Variants in GPHN observed in about 807,000 individuals in gnomAD.
GPHN encodes gephyrin.
Under a neutral mutation model 95.5 loss-of-function variants are expected in GPHN, and 17 were observed. The ratio of observed to expected loss-of-function variants is 0.18; its 90% CI spans 0.12 to 0.27. The LOEUF (loss-of-function observed/expected upper bound fraction) is 0.27, where lower values mean the gene tolerates loss of function less well. Among genes scored for constraint, GPHN ranks in the 10% least tolerant of loss-of-function variants. The probability of loss-of-function intolerance (pLI) is 1.00; values close to 1 mark genes in which losing one functional copy is unlikely to be tolerated. For missense variants in GPHN, 660 were observed against 978.1 expected (o/e 0.67, Z 4.34); for synonymous variants, 320 against 322.5 (o/e 0.99, Z 0.08).
At chr14:67,507,604 A>G in the GPHN span, among the ~76,000 whole-genome samples, 1 of 152,052 alleles carries the variant, frequency 6.6e-6, no homozygotes, top group African/African-American at 2.4e-5. Context: ...ATGCGCCACC[A>G]TGTCCAACTA....
At chr14:67,654,168 G>A in the GPHN span, among the ~76,000 whole-genome samples, 1 of 152,162 alleles carries the variant, frequency 6.6e-6, no homozygotes, top group African/African-American at 2.4e-5. Flanking sequence ...GTGCAGTGCT[G>A]CAATCGCAGC....
the GPHN span, among the ~76,000 whole-genome samples, chr14:67,243,313 G>T: frequency 6.7e-6 from 1 of 150,110 alleles, no homozygotes; most frequent in East Asian, 2.0e-4. Context: ...TCAGCCTCCC[G>T]ACTAGCTGGG....
chr14:67,455,589 A>G, the GPHN span, among the ~76,000 whole-genome samples: 2 of 152,222 alleles, frequency 1.3e-5, no homozygotes, highest in Non-Finnish European at 2.9e-5. Context: ...CAGAATTAAT[A>G]AATAATAAAT....
chr14:67,704,831 G>A, the GPHN span, among the ~76,000 whole-genome samples: 2 of 152,160 alleles, frequency 1.3e-5, no homozygotes, highest in Admixed American at 6.5e-5. Flanking sequence ...TAGCCAAGGA[G>A]GAAACCAGCT....
At chr14:66,914,710 A>G (rs1012089468) in intron 5 of GPHN, among the ~76,000 whole-genome samples, 2 of 152,104 alleles carry the variant, frequency 1.3e-5, no homozygotes, top group African/African-American at 4.8e-5. Context: ...AGATTTGCTT[A>G]CATGAAAATA....
At chr14:67,659,792 G>T in the GPHN span, 1 of 1,614,094 alleles carries the variant, frequency 6.2e-7, no homozygotes, top group Non-Finnish European at 8.5e-7. Context: ...TCCAGGTGTG[G>T]CTGTCAAAGG....
At chr14:67,716,254 G>A in the GPHN span, among the ~76,000 whole-genome samples, 170 of 151,554 alleles carry the variant, frequency 1.1e-3, no homozygotes, top group Non-Finnish European at 1.9e-3. Flanking sequence ...AAGTCAAACC[G>A]CTGTGACTGC....
the GPHN span, among the ~76,000 whole-genome samples, chr14:67,630,619 G>A: frequency 5.9e-5 from 9 of 152,140 alleles, no homozygotes; most frequent in African/African-American, 9.6e-5. Flanking sequence ...TCGCTCTGTC[G>A]CCCAGGCTGG....
chr14:67,573,776 C>T, the GPHN span: 69 of 1,507,558 alleles, frequency 4.6e-5, no homozygotes, highest in East Asian at 1.0e-3. The surrounding 1 kb of genome is among the most constrained non-coding windows in gnomAD (Gnocchi z 4.8). Flanking sequence ...TTCAGTGGCT[C>T]TCCTCTCCAA....
chr14:66,970,155 T>TATCTA (rs2069655920), intron 9 of GPHN, among the ~76,000 whole-genome samples: 1 of 150,132 alleles, frequency 6.7e-6, no homozygotes, highest in African/African-American at 2.4e-5. Context: ...AAGTTATCAA[T>TATCTA]ATCTAAAGTT....
chr14:66,610,600 G>C (rs1045412128), intron 1 of GPHN, among the ~76,000 whole-genome samples: 2 of 152,024 alleles, frequency 1.3e-5, no homozygotes, highest in South Asian at 2.1e-4. Flanking sequence ...TATTGCCATT[G>C]AAATAGACAA....
intron 10 of GPHN, among the ~76,000 whole-genome samples, chr14:67,036,326 G>A (rs2074419147): frequency 1.3e-5 from 2 of 150,996 alleles, no homozygotes; most frequent in South Asian, 4.2e-4. Context: ...AAGCAAAGAT[G>A]CTCATTTTTG....
At chr14:66,718,050 G>T (rs892297227) in intron 2 of GPHN, among the ~76,000 whole-genome samples, 1 of 152,154 alleles carries the variant, frequency 6.6e-6, no homozygotes, top group Non-Finnish European at 1.5e-5. Flanking sequence ...ACCAGAGGTG[G>T]GTGGGGCCCT....
chr14:66,742,793 G>A (rs145120070), intron 2 of GPHN, among the ~76,000 whole-genome samples: 245 of 152,086 alleles, frequency 1.6e-3, no homozygotes, highest in African/African-American at 5.6e-3. Context: ...ACGGAGTCTC[G>A]CTCTGTCACC....
chr14:66,815,844 A>G (rs942550654), intron 3 of GPHN, among the ~76,000 whole-genome samples: 2 of 152,224 alleles, frequency 1.3e-5, no homozygotes, highest in African/African-American at 4.8e-5. Flanking sequence ...AAATGCCCCA[A>G]TTAAAAACAC....
chr14:66,949,175 C>T (rs1184938762), intron 8 of GPHN, among the ~76,000 whole-genome samples: 1 of 152,138 alleles, frequency 6.6e-6, no homozygotes, highest in African/African-American at 2.4e-5. Flanking sequence ...ACTTTCACCT[C>T]CTGGGTTCAA....
intron 1 of GPHN, among the ~76,000 whole-genome samples, chr14:66,552,076 G>A (rs555292064): frequency 6.6e-6 from 1 of 152,258 alleles, no homozygotes; most frequent in Non-Finnish European, 1.5e-5. Flanking sequence ...TAAAAATCAT[G>A]AAGTCATCTT....
chr14:67,580,982 G>A, the GPHN span: 1 of 1,613,540 alleles, frequency 6.2e-7, no homozygotes. Flanking sequence ...TGAAGGAGCT[G>A]CACCCCGGAA....
the GPHN span, among the ~76,000 whole-genome samples, chr14:67,679,489 C>T: frequency 6.6e-6 from 1 of 151,826 alleles, no homozygotes; most frequent in African/African-American, 2.4e-5. Flanking sequence ...CTGCAACCTC[C>T]GCCTCCCAGG....
Sources: allele counts gnomAD v4.1 joint callset (sites outside exome capture counted in the v4.1 genomes callset), GRCh38; gene constraint gnomAD v4.1.1; non-coding constraint Gnocchi (gnomAD v3.1); transcripts MANE v1.5; gene names NCBI Gene and HGNC (gene_info 2026-07-23, HGNC 2026-07-21).